The following NEGR1 variants were observed in gnomAD, a reference collection of about 807,000 sequenced individuals.
NEGR1 encodes the protein neuronal growth regulator 1, also known as IgLON family member 4.
Under a neutral mutation model 40.9 loss-of-function variants are expected in NEGR1, and 10 were observed. The observed-to-expected ratio is 0.24, with a 90% CI of 0.15 to 0.42. The LOEUF (loss-of-function observed/expected upper bound fraction) is 0.42, where lower values mean the gene tolerates loss of function less well. Among genes scored for constraint, NEGR1 ranks in the 10% least tolerant of loss-of-function variants. The pLI is 1.00. For synonymous variants in NEGR1, 185 were observed against 166.8 expected, an observed-to-expected ratio of 1.11 and a Z score of -0.84; for missense variants, 352 against 438.9, an observed-to-expected ratio of 0.80 and a Z score of 1.77.
At chr1:72,011,999 G>A (rs1361473000) in intron 1 of NEGR1, among the ~76,000 whole-genome samples, 5 of 152,072 alleles carry the variant, frequency 3.3e-5, no homozygotes, top group African/African-American at 1.2e-4. Flanking sequence ...GAGTTACACC[G>A]AAGACAAAGG....
chr1:71,759,807 G>C (rs1002633706), intron 3 of NEGR1, among the ~76,000 whole-genome samples: 1 of 150,644 alleles, frequency 6.6e-6, no homozygotes. Context: ...ACGGGGTTTC[G>C]GCATGTCACC....
At chr1:71,459,888 G>A (rs541411662) in intron 6 of NEGR1, among the ~76,000 whole-genome samples, 20 of 152,164 alleles carry the variant, frequency 1.3e-4, no homozygotes, top group Non-Finnish European at 2.4e-4. Context: ...ATCCTTCTAA[G>A]AATACCCAAA....
intron 1 of NEGR1, among the ~76,000 whole-genome samples, chr1:72,082,647 C>G (rs1156927595): frequency 6.6e-6 from 1 of 150,836 alleles, no homozygotes; most frequent in Middle Eastern, 3.2e-3. Context: ...TGCTACCATA[C>G]ATGACAAAAT....
At chr1:71,525,655 T>A (rs141375214) in intron 6 of NEGR1, among the ~76,000 whole-genome samples, 37 of 151,748 alleles carry the variant, frequency 2.4e-4, no homozygotes, top group African/African-American at 8.9e-4. Flanking sequence ...TCTTGCAATC[T>A]AGAGTTGTAG....
At chr1:71,433,075 GT>G (rs1268294922) in intron 6 of NEGR1, among the ~76,000 whole-genome samples, 1 of 152,176 alleles carries the variant, frequency 6.6e-6, no homozygotes, top group Non-Finnish European at 1.5e-5. Context: ...AGATTAACGA[GT>G]TATAAAAGTG....
chr1:71,519,958 C>A (rs1647143621), intron 6 of NEGR1, among the ~76,000 whole-genome samples: 1 of 151,754 alleles, frequency 6.6e-6, no homozygotes, highest in Non-Finnish European at 1.5e-5. Flanking sequence ...AAGGAAAGGT[C>A]TTTTAAAAAA....
intron 2 of NEGR1, among the ~76,000 whole-genome samples, chr1:71,902,471 G>T (rs1661167618): frequency 6.6e-6 from 1 of 152,114 alleles, no homozygotes; most frequent in African/African-American, 2.4e-5. Flanking sequence ...ATTTTTATGA[G>T]GAGTTAAAAC....
In NEGR1 at chr1:71,820,017, T is replaced by C. The variant is rs547456502; in HGVS notation, c.410-43720A>G. On this transcript the variant is annotated intron_variant, in intron 2 of 6. Transcript: ENST00000357731. ...TGTGTCCCACTGATGTCAGTGTGGATAATAAGATTTCAAAATATTAGGAAC... is the reference window on the plus strand; with the variant it reads ...TGTGTCCCACTGATGTCAGTGTGGACAATAAGATTTCAAAATATTAGGAAC... Among the ~76,000 whole-genome samples the C allele has an allele frequency of 6.6e-4, 100 of 152,140 alleles. 2 individuals carry two copies. In the South Asian group the frequency reaches 8.7e-3, roughly 13 times the overall value.
At chr1:71,918,025 A>G (rs1038662354) in intron 2 of NEGR1, among the ~76,000 whole-genome samples, 14 of 149,424 alleles carry the variant, frequency 9.4e-5, no homozygotes, top group Non-Finnish European at 1.5e-4. Context: ...AGACCATCCT[A>G]TCTAACATGG....
chr1:71,896,114 T>A (rs1450572092), intron 2 of NEGR1, among the ~76,000 whole-genome samples: 3 of 147,186 alleles, frequency 2.0e-5, no homozygotes. Flanking sequence ...CTCGGCTCAC[T>A]GCAACCTCCT....
At chr1:72,232,408 T>A (rs1021224235) in intron 1 of NEGR1, among the ~76,000 whole-genome samples, 8 of 151,620 alleles carry the variant, frequency 5.3e-5, no homozygotes, top group Admixed American at 3.3e-4. Flanking sequence ...CAATCAAGCA[T>A]ACAAACCAAG....
At position 71,642,281 on chromosome 1, in the gene NEGR1, G is replaced by A. The variant is rs1377249415; in HGVS notation, c.668-31135C>T. Among the ~76,000 whole-genome samples, 3 of 151,822 alleles carry A rather than the reference G, an allele frequency of 2.0e-5. No homozygotes were observed. In the East Asian group the frequency reaches 5.8e-4, roughly 29 times the overall value. The stretch of plus-strand genomic sequence containing the variant: ...AAAGTGCTTAAGCCAATGTTAAAAT[G>A]TTTAAACCATGGAAAACAGATAACT... On this transcript the variant is annotated intron_variant, in intron 4 of 6. Coordinates refer to ENST00000357731, the MANE Select transcript of NEGR1 (RefSeq NM_173808.3).
intron 2 of NEGR1, among the ~76,000 whole-genome samples, chr1:71,783,839 C>A (rs75734721): frequency 2.2e-5 from 3 of 136,316 alleles, no homozygotes; most frequent in Admixed American, 8.1e-5. Context: ...TCCATCCACC[C>A]GTCCATCCAT....
chr1:71,546,605 G>C lies in NEGR1; in HGVS notation c.940+46212C>G, dbSNP rs553575574. The stretch of plus-strand genomic sequence containing the variant: ...TTAATATTCACAACAACTCAGAGAA[G>C]TTGGCAGTACTATTACTATCATCAT... On this transcript the variant is annotated intron_variant, in intron 6 of 6. Coordinates refer to ENST00000357731, the MANE Select transcript of NEGR1 (RefSeq NM_173808.3). 8.0e-4 allele frequency among the ~76,000 whole-genome samples: 122 copies of C among 151,698 alleles called. 2 individuals are homozygous for C. In the South Asian group the frequency reaches 0.023, roughly 29 times the overall value.
chr1:72,078,983 C>T (rs926822718), intron 1 of NEGR1, among the ~76,000 whole-genome samples: 7 of 150,904 alleles, frequency 4.6e-5, no homozygotes, highest in Non-Finnish European at 1.5e-5. Context: ...CATATAAATC[C>T]TATTACTGAA....
At chr1:71,808,250 A>T (rs1657853043) in intron 2 of NEGR1, among the ~76,000 whole-genome samples, 1 of 152,162 alleles carries the variant, frequency 6.6e-6, no homozygotes, top group African/African-American at 2.4e-5. Context: ...ATGTTTCATG[A>T]TTTTTCAAAC....
intron 1 of NEGR1, among the ~76,000 whole-genome samples, chr1:72,220,109 A>G (rs1018946917): frequency 1.8e-4 from 27 of 151,998 alleles, no homozygotes; most frequent in Admixed American, 1.8e-3. Context: ...TTACTAATAA[A>G]CTCACATTAT....
At chr1:71,579,188 T>C in intron 6 of NEGR1, among the ~76,000 whole-genome samples, 1 of 152,212 alleles carries the variant, frequency 6.6e-6, no homozygotes, top group East Asian at 1.9e-4. Context: ...CACCCAGCTC[T>C]GTCCACTTCA....
intron 1 of NEGR1, among the ~76,000 whole-genome samples, chr1:72,243,975 C>A (rs1386794368): frequency 6.6e-6 from 1 of 151,734 alleles, no homozygotes; most frequent in Admixed American, 6.6e-5. Flanking sequence ...ATAGAGAAAG[C>A]TAGATTTATC....
Sources: allele counts gnomAD v4.1 joint callset (sites outside exome capture counted in the v4.1 genomes callset), GRCh38; gene constraint gnomAD v4.1.1; transcripts MANE v1.5; gene names NCBI Gene and HGNC (gene_info 2026-07-23, HGNC 2026-07-21).